TENM2: variants seen among roughly 807,000 people sequenced by gnomAD.
TENM2 encodes teneurin-2.
A neutral mutation model predicts 245.2 loss-of-function variants in TENM2; 52 were observed. The ratio of observed to expected loss-of-function variants is 0.21; its 90% CI spans 0.17 to 0.27. TENM2 has a LOEUF of 0.27. Ranked by LOEUF, TENM2 falls within the 10% of genes least tolerant of loss-of-function variation. TENM2 has a pLI of 1.00. For synonymous variants in TENM2, 1,363 were observed against 1,438.9 expected (o/e 0.95, Z 1.19); for missense variants, 3,046 against 3,666.8 (o/e 0.83, Z 4.37).
intron 1 of TENM2, among the ~76,000 whole-genome samples, chr5:167,349,214 A>G (rs1203084985): frequency 3.3e-5 from 5 of 152,154 alleles, no homozygotes; most frequent in African/African-American, 1.2e-4. Context: ...TTCAACTTCA[A>G]CCTCACCTTG....
At chr5:167,629,284 T>G (rs57629844) in intron 2 of TENM2, among the ~76,000 whole-genome samples, 15,228 of 152,242 alleles carry the variant, frequency 0.1, 1,729 homozygotes, top group African/African-American at 0.27. Context: ...AATGTCTACA[T>G]GCCTCGGTTT....
At chr5:167,199,665 C>T in the TENM2 span, among the ~76,000 whole-genome samples, 27 of 152,240 alleles carry the variant, frequency 1.8e-4, no homozygotes, top group South Asian at 5.4e-3. Context: ...CCCTTCGCCT[C>T]ACATTTTCTC....
At chr5:168,187,745 A>C (rs1760602209) in intron 13 of TENM2, 1 of 152,012 alleles carries the variant, frequency 6.6e-6, no homozygotes, top group African/African-American at 2.4e-5. Context: ...GGACAGCCTG[A>C]ATGTGGATCT....
chr5:167,108,562 T>C, the TENM2 span, among the ~76,000 whole-genome samples: 1 of 152,218 alleles, frequency 6.6e-6, no homozygotes, highest in African/African-American at 2.4e-5. Flanking sequence ...CTATCCTCAT[T>C]GTTAGACAGA....
chr5:167,178,804 A>T, the TENM2 span, among the ~76,000 whole-genome samples: 1 of 152,176 alleles, frequency 6.6e-6, no homozygotes, highest in Admixed American at 6.6e-5. Flanking sequence ...TGAGACTTGC[A>T]CACACGCATA....
At chr5:167,556,366 T>G (rs1273778235) in intron 2 of TENM2, among the ~76,000 whole-genome samples, 3 of 151,686 alleles carry the variant, frequency 2.0e-5, no homozygotes, top group Non-Finnish European at 4.4e-5. Flanking sequence ...CTTTCTGAAT[T>G]GTTATTCTAA....
chr5:167,438,231 G>T (rs1205613324), intron 2 of TENM2, among the ~76,000 whole-genome samples: 1 of 152,182 alleles, frequency 6.6e-6, no homozygotes, highest in African/African-American at 2.4e-5. Context: ...GATCCAAAAA[G>T]TGTTCCTCTG....
intron 5 of TENM2, among the ~76,000 whole-genome samples, chr5:168,038,949 T>C (rs67926229): frequency 0.079 from 12,011 of 152,146 alleles, 660 homozygotes; most frequent in East Asian, 0.27. Flanking sequence ...GAGCAGTTTG[T>C]TGAGGGCTGC....
chr5:167,484,114 A>T (rs1486898477), intron 2 of TENM2, among the ~76,000 whole-genome samples: 1 of 152,168 alleles, frequency 6.6e-6, no homozygotes, highest in African/African-American at 2.4e-5. Context: ...TGGGAAACTG[A>T]GGCAGGCAGA....
intron 13 of TENM2, among the ~76,000 whole-genome samples, chr5:168,187,993 A>C (rs1217443041): frequency 6.6e-6 from 1 of 152,228 alleles, no homozygotes; most frequent in South Asian, 2.1e-4. Context: ...TACGAGGCAC[A>C]TGAGCAACAT....
At chr5:167,876,459 T>C (rs772245836) in intron 3 of TENM2, among the ~76,000 whole-genome samples, 9 of 152,202 alleles carry the variant, frequency 5.9e-5, no homozygotes, top group Non-Finnish European at 1.3e-4. Flanking sequence ...TGTGTGAGCA[T>C]GCTGGTCTCA....
chr5:167,468,945 C>G (rs1013081726), intron 2 of TENM2, among the ~76,000 whole-genome samples: 1 of 152,140 alleles, frequency 6.6e-6, no homozygotes, highest in African/African-American at 2.4e-5. Context: ...TTCCCATGTT[C>G]AAATGATGCC....
chr5:167,166,176 G>C, the TENM2 span, among the ~76,000 whole-genome samples: 17 of 152,094 alleles, frequency 1.1e-4, no homozygotes, highest in Admixed American at 9.2e-4. Context: ...GACAGGCCAG[G>C]CTTATGTTTA....
intron 2 of TENM2, among the ~76,000 whole-genome samples, chr5:167,586,180 G>A (rs977555064): frequency 2.3e-4 from 33 of 144,240 alleles, no homozygotes; most frequent in African/African-American, 8.4e-4. Context: ...TAAAAAAACA[G>A]GTGATATAAC....
chr5:167,495,421 A>G (rs1327347067), intron 2 of TENM2, among the ~76,000 whole-genome samples: 2 of 152,036 alleles, frequency 1.3e-5, no homozygotes, highest in African/African-American at 4.8e-5. Flanking sequence ...CAAGGGTTGA[A>G]CAAGAGTAGT....
the TENM2 span, among the ~76,000 whole-genome samples, chr5:167,095,984 C>T: frequency 6.6e-6 from 1 of 152,040 alleles, no homozygotes; most frequent in Non-Finnish European, 1.5e-5. Flanking sequence ...GTTGACCAGG[C>T]TGGTCTTGAA....
intron 1 of TENM2, among the ~76,000 whole-genome samples, chr5:167,355,959 G>A (rs540852977): frequency 1.3e-5 from 2 of 150,032 alleles, no homozygotes; most frequent in Non-Finnish European, 3.0e-5. Flanking sequence ...GAGGCGGGCA[G>A]ATCACCTGAG....
In TENM2 at chr5:167,569,208, G is replaced by A. The variant is rs191879461; in HGVS notation, c.502+193735G>A. ...ATTTTGTATAATTTTGATGATTTTCGTGGAAAACGTGATGAAAACATTTCC... is the reference window on the plus strand; with the variant it reads ...ATTTTGTATAATTTTGATGATTTTCATGGAAAACGTGATGAAAACATTTCC... On this transcript the variant is annotated intron_variant, in intron 2 of 28. Coordinates refer to ENST00000518659, the Ensembl canonical transcript of TENM2. 2.4e-3 allele frequency among the ~76,000 whole-genome samples: 351 copies of A among 148,706 alleles called. 1 individual carries two copies. The highest frequency in any genetic ancestry group is 3.7e-3 in the Admixed American group (55 of 14,676).
the TENM2 span, among the ~76,000 whole-genome samples, chr5:167,069,733 A>C: frequency 6.6e-6 from 1 of 152,196 alleles, no homozygotes; most frequent in Non-Finnish European, 1.5e-5. Context: ...GTTTTGAATG[A>C]TGTTTACTTA....
Sources: gnomAD v4.1 joint callset for allele counts (sites outside exome capture counted in the v4.1 genomes callset) on GRCh38, gnomAD v4.1.1 for gene constraint, MANE v1.5 for transcripts, NCBI Gene and HGNC (gene_info 2026-07-23, HGNC 2026-07-21) for gene names.